Variants in MICOS10 observed in about 807,000 individuals in gnomAD.
The protein encoded by MICOS10 is mitochondrial contact site and cristae organizing system subunit 10.
MICOS10 carries 5 observed loss-of-function variants against 13.4 expected under a neutral mutation model. That is an observed-to-expected ratio of 0.37 (90% confidence interval 0.20 to 0.78). The LOEUF is 0.78. MICOS10 is among the 30% of genes least tolerant of loss of function. MICOS10 has a pLI of 0.47. For synonymous variants in MICOS10, 35 were observed against 33.6 expected, an observed-to-expected ratio of 1.04 and a Z score of -0.15; for missense variants, 101 against 94.6, an observed-to-expected ratio of 1.07 and a Z score of -0.28.
intron 1 of MICOS10, among the ~76,000 whole-genome samples, chr1:19,597,540 T>C (rs1211940900): frequency 1.3e-5 from 2 of 152,204 alleles, no homozygotes; most frequent in African/African-American, 4.8e-5. Context: ...GAAGGTCACC[T>C]GGAGCATTTC....
chr1:19,600,897 G>A (rs1477338966), intron 1 of MICOS10: 3 of 1,289,250 alleles, frequency 2.3e-6, no homozygotes, highest in South Asian at 2.5e-5. Context: ...CACCACACCT[G>A]GTCCATCTTG....
intron 1 of MICOS10, among the ~76,000 whole-genome samples, 183 bp from the exon 2 acceptor site, chr1:19,621,917 A>G (rs1441750224): frequency 1.3e-5 from 2 of 152,204 alleles, no homozygotes; most frequent in Non-Finnish European, 2.9e-5. Context: ...CATGTTGGGC[A>G]GGAGAACCAA....
At chr1:19,608,346 C>G (rs550710714) in intron 1 of MICOS10, 114 of 1,286,520 alleles carry the variant, frequency 8.9e-5, no homozygotes, top group Middle Eastern at 1.8e-4. Context: ...ATGTTGACCA[C>G]CCAGGATGTG....
At chr1:19,622,763 T>C (rs2094908272) in intron 2 of MICOS10, among the ~76,000 whole-genome samples, 1 of 152,166 alleles carries the variant, frequency 6.6e-6, no homozygotes, top group Non-Finnish European at 1.5e-5. Context: ...ACCCCATGAC[T>C]TACTACTACA....
rs1261496478 is a variant in MICOS10, at chr1:19,602,363, CCT to C, written c.64+5255_64+5256del. Among the ~76,000 whole-genome samples, 8 of 152,240 alleles carry C rather than the reference CCT, an allele frequency of 5.3e-5. 1 individual carries two copies. The South Asian group carries it at 1.7e-3, about 32-fold the overall frequency. ...CCCGTTCACATGTTTGATCATGTAT[CCT>C]TGTGTTCTTGGGACTTATACCAACT... On this transcript the variant is annotated intron_variant, in intron 1 of 3. Coordinates refer to ENST00000322753, the MANE Select transcript of MICOS10 (RefSeq NM_001032363.4).
chr1:19,611,175 C>T (rs1214384527), intron 1 of MICOS10, among the ~76,000 whole-genome samples: 1 of 152,084 alleles, frequency 6.6e-6, no homozygotes, highest in Non-Finnish European at 1.5e-5. Flanking sequence ...TGGTCTCAAA[C>T]TCCTGACCTC....
intron 1 of MICOS10, among the ~76,000 whole-genome samples, chr1:19,605,039 T>C (rs1327448749): frequency 6.6e-6 from 1 of 152,194 alleles, no homozygotes; most frequent in Non-Finnish European, 1.5e-5. Flanking sequence ...TTGTAAGATA[T>C]TTCTCCATTT....
At chr1:19,597,692 C>G (rs1033479468) in intron 1 of MICOS10, 1 of 153,098 alleles carries the variant, frequency 6.5e-6, no homozygotes, top group African/African-American at 2.4e-5. Flanking sequence ...AGAAGTTGTT[C>G]ACGTTAAGTT....
chr1:19,617,104 G>C (rs1241817642), intron 1 of MICOS10, among the ~76,000 whole-genome samples: 1 of 152,162 alleles, frequency 6.6e-6, no homozygotes, highest in African/African-American at 2.4e-5. Flanking sequence ...TCAGCATTCT[G>C]GAAGTTGAAC....
At position 19,601,519 on chromosome 1, in the gene MICOS10, G is replaced by C. The variant is rs539954615; in HGVS notation, c.64+4410G>C. 2.7e-5 allele frequency among the ~76,000 whole-genome samples: 4 copies of C among 150,706 alleles called. No homozygotes were observed. In the South Asian group the frequency reaches 8.3e-4, roughly 31 times the overall value. On this transcript the variant is annotated intron_variant, in intron 1 of 3. Coordinates refer to ENST00000322753, the MANE Select transcript of MICOS10 (RefSeq NM_001032363.4). ...CTTGAGCCTAGAGGTTGAGGCTGCA[G>C]TGTGCTGTGATCGCACCACTGCACT...
intron 1 of MICOS10, among the ~76,000 whole-genome samples, chr1:19,612,347 C>G (rs2094866632): frequency 6.6e-6 from 1 of 151,666 alleles, no homozygotes; most frequent in Non-Finnish European, 1.5e-5. Context: ...ACGTGCCAAG[C>G]CAATTCTTAG....
chr1:19,622,971 G>C lies in MICOS10; in HGVS notation c.113-503G>C, dbSNP rs12029179. Among the ~76,000 whole-genome samples the C allele has an allele frequency of 3.3e-3, 495 of 147,820 alleles. 17 individuals carry two copies. In the East Asian group the frequency reaches 0.077, roughly 23 times the overall value. On this transcript the variant is annotated intron_variant, in intron 2 of 3. Coordinates refer to ENST00000322753, the MANE Select transcript of MICOS10 (RefSeq NM_001032363.4). ...GGAGTCTTGCTCTGTCGCCAGGCTG[G>C]AGTGCAGTGGTGCGATCTCAGCTCA... is the stretch of plus-strand genomic sequence containing the variant.
intron 3 of MICOS10, among the ~76,000 whole-genome samples, chr1:19,624,389 C>T (rs2094915132): frequency 3.3e-5 from 5 of 150,624 alleles, no homozygotes; most frequent in Non-Finnish European, 5.9e-5. Flanking sequence ...CGGGTTCAAG[C>T]GATTCTTCTG....
chr1:19,622,011 TTAA>T, intron 1 of MICOS10, 86 bp from the exon 2 acceptor site: 2 of 963,550 alleles, frequency 2.1e-6, no homozygotes, highest in Non-Finnish European at 3.2e-6. Context: ...AAAAATCTGT[TTAA>T]TGATGTTCAC....
chr1:19,610,299 C>T (rs1039026472), intron 1 of MICOS10, among the ~76,000 whole-genome samples: 1 of 147,252 alleles, frequency 6.8e-6, no homozygotes, highest in Non-Finnish European at 1.5e-5. Flanking sequence ...ATGTTGGAGG[C>T]TCTAGATAAA....
chr1:19,608,626 A>T, intron 1 of MICOS10: 4 of 709,884 alleles, frequency 5.6e-6, no homozygotes, highest in Non-Finnish European at 1.0e-5. Context: ...AAAATAAATA[A>T]AAAAAGTGAA....
At chr1:19,608,767 C>T (rs2094846124) in intron 1 of MICOS10, 1 of 478,332 alleles carries the variant, frequency 2.1e-6, no homozygotes, top group South Asian at 2.4e-5. Flanking sequence ...TGAATGGCAC[C>T]ATTAAGAAAA....
At chr1:19,601,027 C>T (rs2094812191) in intron 1 of MICOS10, 6 of 1,287,406 alleles carry the variant, frequency 4.7e-6, no homozygotes, top group Non-Finnish European at 6.1e-6. Context: ...TTCCAGGGTT[C>T]ACCAGGGTTA....
intron 1 of MICOS10, chr1:19,600,833 C>T: frequency 8.3e-7 from 1 of 1,209,026 alleles, no homozygotes; most frequent in Non-Finnish European, 1.1e-6. Flanking sequence ...AACTCAGGGT[C>T]CAAACGATCC....
Sources: gnomAD v4.1 joint callset for allele counts (sites outside exome capture counted in the v4.1 genomes callset) on GRCh38, gnomAD v4.1.1 for gene constraint, MANE v1.5 for transcripts, NCBI Gene and HGNC (gene_info 2026-07-23, HGNC 2026-07-21) for gene names.